Variants in NYAP2 observed in about 807,000 individuals in gnomAD.
The protein encoded by NYAP2 is neuronal tyrosine-phosphorylated phosphoinositide-3-kinase adapter 2.
In NYAP2, 23 loss-of-function variants were observed where a neutral mutation model predicts 50.4. The observed-to-expected ratio is 0.46, with a 90% CI of 0.33 to 0.65. The LOEUF (loss-of-function observed/expected upper bound fraction) is 0.65. Among genes scored for constraint, NYAP2 ranks in the 30% least tolerant of loss-of-function variants. NYAP2 has a pLI of 0.02. For synonymous variants in NYAP2, 394 were observed against 365.2 expected (o/e 1.08, Z -0.90); for missense variants, 885 against 861.0 (o/e 1.03, Z -0.35).
At chr2:225,559,333 G>A (rs1335911990) in intron 4 of NYAP2, among the ~76,000 whole-genome samples, 1 of 113,070 alleles carries the variant, frequency 8.8e-6, no homozygotes, top group Non-Finnish European at 1.8e-5. Context: ...CTTAAATGAA[G>A]GCATTGTACA....
At chr2:225,433,741 C>G (rs1049887653) in intron 3 of NYAP2, among the ~76,000 whole-genome samples, 1 of 131,032 alleles carries the variant, frequency 7.6e-6, no homozygotes, top group African/African-American at 2.8e-5. Context: ...GGCGTGAACC[C>G]GGGAGGCGGA....
chr2:225,695,130 GC>G, the NYAP2 span, among the ~76,000 whole-genome samples: 1 of 151,378 alleles, frequency 6.6e-6, no homozygotes, highest in African/African-American at 2.4e-5. Flanking sequence ...CACCTCTATA[GC>G]ATTTCTGCTT....
chr2:225,561,547 G>A (rs143739138), intron 4 of NYAP2, among the ~76,000 whole-genome samples: 2 of 152,056 alleles, frequency 1.3e-5, no homozygotes, highest in East Asian at 3.9e-4. Context: ...TGTACTCCAG[G>A]CCCTTGGATA....
chr2:225,515,848 A>C (rs1690921744), intron 4 of NYAP2, among the ~76,000 whole-genome samples: 1 of 152,178 alleles, frequency 6.6e-6, no homozygotes, highest in Non-Finnish European at 1.5e-5. Context: ...TGATCACTGA[A>C]AGATGGGGGG....
chr2:225,489,557 T>C (rs1690368168), intron 3 of NYAP2, among the ~76,000 whole-genome samples: 1 of 152,196 alleles, frequency 6.6e-6, no homozygotes, highest in South Asian at 2.1e-4. Flanking sequence ...GACAATAGAT[T>C]CCTGTTTTCC....
intron 3 of NYAP2, among the ~76,000 whole-genome samples, chr2:225,424,353 A>G (rs1267627502): frequency 6.6e-6 from 1 of 152,128 alleles, no homozygotes; most frequent in African/African-American, 2.4e-5. Flanking sequence ...AACTCTAATT[A>G]TCATCTCTGA....
chr2:225,580,562 A>G (rs1387282926), intron 4 of NYAP2, among the ~76,000 whole-genome samples: 1 of 152,220 alleles, frequency 6.6e-6, no homozygotes, highest in Non-Finnish European at 1.5e-5. Context: ...GAGTAAAACC[A>G]TCATCATAGG....
At chr2:225,623,970 A>G (rs774268899) in intron 5 of NYAP2, among the ~76,000 whole-genome samples, 19 of 152,260 alleles carry the variant, frequency 1.2e-4, no homozygotes, top group Non-Finnish European at 2.2e-4. Flanking sequence ...CATTTTTAAA[A>G]TACAATATTA....
At chr2:225,445,911 C>T (rs77038486) in intron 3 of NYAP2, among the ~76,000 whole-genome samples, 1 of 151,930 alleles carries the variant, frequency 6.6e-6, no homozygotes, top group Admixed American at 6.6e-5. Context: ...TAATATTCAA[C>T]CTTATATTGG....
chr2:225,452,116 A>C (rs972123171), intron 3 of NYAP2, among the ~76,000 whole-genome samples: 1 of 152,172 alleles, frequency 6.6e-6, no homozygotes, highest in Non-Finnish European at 1.5e-5. Flanking sequence ...GCTCAAATCT[A>C]TCCTGCTTCG....
chr2:225,521,792 A>G (rs1225894956), intron 4 of NYAP2, among the ~76,000 whole-genome samples: 2 of 152,086 alleles, frequency 1.3e-5, no homozygotes, highest in African/African-American at 4.8e-5. Context: ...ACCTCATAAA[A>G]TGAGTTACGG....
At chr2:225,650,396 T>C (rs749222812) in intron 6 of NYAP2, among the ~76,000 whole-genome samples, 1 of 152,216 alleles carries the variant, frequency 6.6e-6, no homozygotes, top group Non-Finnish European at 1.5e-5. Flanking sequence ...CGTAGTTATG[T>C]CATATTATTT....
chr2:225,633,325 G>A (rs749764419), intron 6 of NYAP2, among the ~76,000 whole-genome samples: 2 of 152,322 alleles, frequency 1.3e-5, no homozygotes, highest in East Asian at 1.9e-4. Flanking sequence ...GGAAGGATCA[G>A]CTATATTATA....
chr2:225,591,251 G>A (rs1280843166), intron 5 of NYAP2, among the ~76,000 whole-genome samples: 2 of 152,170 alleles, frequency 1.3e-5, no homozygotes, highest in African/African-American at 2.4e-5. Flanking sequence ...TTTCTTATGG[G>A]GCACTGGGAG....
intron 3 of NYAP2, among the ~76,000 whole-genome samples, chr2:225,464,667 A>G (rs1417433991): frequency 1.3e-5 from 2 of 152,198 alleles, no homozygotes; most frequent in East Asian, 1.9e-4. Flanking sequence ...AATTTCTGAT[A>G]CTTATAAGTG....
intron 4 of NYAP2, among the ~76,000 whole-genome samples, chr2:225,536,092 A>G (rs576745641): frequency 6.6e-6 from 1 of 152,356 alleles, no homozygotes; most frequent in South Asian, 2.1e-4. Flanking sequence ...TAGCTATTTC[A>G]TCAAATAAAT....
the NYAP2 span, among the ~76,000 whole-genome samples, chr2:225,659,126 T>C: frequency 2.0e-5 from 3 of 152,062 alleles, no homozygotes; most frequent in Non-Finnish European, 2.9e-5. Flanking sequence ...AATTGACAAA[T>C]AAGGGTGGGG....
At chr2:225,649,277 A>G (rs961979548) in intron 6 of NYAP2, among the ~76,000 whole-genome samples, 2 of 152,190 alleles carry the variant, frequency 1.3e-5, no homozygotes, top group African/African-American at 2.4e-5. Context: ...CTATTTCCTT[A>G]TAATAGGCAA....
intron 3 of NYAP2, among the ~76,000 whole-genome samples, chr2:225,432,685 C>T (rs762429453): frequency 6.6e-6 from 1 of 152,040 alleles, no homozygotes; most frequent in South Asian, 2.1e-4. Context: ...AAAAAATAAC[C>T]TTGACTTAAG....
Sources: allele counts gnomAD v4.1 joint callset (sites outside exome capture counted in the v4.1 genomes callset), GRCh38; gene constraint gnomAD v4.1.1; transcripts MANE v1.5; gene names NCBI Gene and HGNC (gene_info 2026-07-23, HGNC 2026-07-21).